Variants in POU2F1 observed in about 807,000 individuals in gnomAD.
The protein encoded by POU2F1 is POU class 2 homeobox 1, also known as POU domain, class 2, transcription factor 1.
A neutral mutation model predicts 84.9 loss-of-function variants in POU2F1; 16 were observed. The ratio of observed to expected loss-of-function variants is 0.19; its 90% CI spans 0.13 to 0.29. The LOEUF is 0.29. POU2F1 is among the 10% of genes least tolerant of loss of function. The probability of loss-of-function intolerance (pLI) is 1.00; values close to 1 mark genes in which losing one functional copy is unlikely to be tolerated. For missense variants in POU2F1, 738 were observed against 942.6 expected, an observed-to-expected ratio of 0.78 and a Z score of 2.84; for synonymous variants, 368 against 368.3, an observed-to-expected ratio of 1.00 and a Z score of 0.01.
intron 2 of POU2F1, among the ~76,000 whole-genome samples, chr1:167,350,708 T>G (rs1658498571): frequency 1.3e-5 from 2 of 150,270 alleles, no homozygotes; most frequent in Admixed American, 1.3e-4. Context: ...AAATGTATTA[T>G]CTGTGTTAGG....
intron 1 of POU2F1, among the ~76,000 whole-genome samples, chr1:167,289,458 A>G (rs1653760212): frequency 6.6e-6 from 1 of 152,208 alleles, no homozygotes; most frequent in Non-Finnish European, 1.5e-5. Context: ...GTGACTTCAA[A>G]GGGTCTCTCT....
At chr1:167,260,841 C>G (rs1469740178) in intron 1 of POU2F1, among the ~76,000 whole-genome samples, 1 of 152,110 alleles carries the variant, frequency 6.6e-6, no homozygotes, top group Non-Finnish European at 1.5e-5. Context: ...GGGTTGCTCA[C>G]TATATGCTAG....
intron 7 of POU2F1, chr1:167,383,610 C>T (rs1647729951): frequency 1.0e-5 from 3 of 291,388 alleles, no homozygotes; most frequent in Non-Finnish European, 1.3e-5. Context: ...AAGGATTGAC[C>T]TATCACAGAG....
intron 2 of POU2F1, among the ~76,000 whole-genome samples, chr1:167,349,916 A>G (rs1557915392): frequency 6.6e-6 from 1 of 152,244 alleles, no homozygotes; most frequent in Non-Finnish European, 1.5e-5. Context: ...TATAAAGGTA[A>G]AACTGTTCAT....
At chr1:167,272,289 G>A (rs1001963846) in intron 1 of POU2F1, among the ~76,000 whole-genome samples, 14 of 142,366 alleles carry the variant, frequency 9.8e-5, no homozygotes, top group Middle Eastern at 3.8e-3. Flanking sequence ...TGTCAAAATA[G>A]TAAATATTAC....
At chr1:167,326,483 A>G (rs958532299) in intron 1 of POU2F1, among the ~76,000 whole-genome samples, 12 of 152,190 alleles carry the variant, frequency 7.9e-5, no homozygotes, top group African/African-American at 2.7e-4. Context: ...CTCCCAATCC[A>G]TCTGTAGAGG....
chr1:167,383,934 A>G lies in POU2F1; in HGVS notation c.796A>G (p.Ile266Val), dbSNP rs368563634. ...QANLLQSQPS[I>V]TLTSQPATPT... is the part of the protein sequence containing the mutation. ...CAACCTCCTACAGTCGCAGCCAAGC[A>G]TCACCCTCACCTCCCAGGTCAGTTT... The change falls in exon 8 of 16, where the codon ATC becomes GTC. Residue 266 changes from isoleucine (I) to valine (V), a missense_variant. By Grantham distance (29) the Ile-to-Val change is conservative. Around this residue, in one of 4 missense-constraint regions of POU2F1, gnomAD observed 163 missense variants for 214.4 expected, o/e 0.76. Transcript: ENST00000367866. 1.9e-6 allele frequency: 3 copies of G among 1,613,518 alleles called. No individual in the cohort carries two copies. Among genetic ancestry groups the G allele is most frequent in the South Asian group, 1.1e-5 (1 of 91,058 alleles).
intron 2 of POU2F1, among the ~76,000 whole-genome samples, chr1:167,353,966 T>G (rs1658765931): frequency 6.6e-6 from 1 of 152,256 alleles, no homozygotes; most frequent in South Asian, 2.1e-4. Context: ...TACATATTTA[T>G]CCTCAAATAA....
At chr1:167,249,466 G>C (rs1650568493) in intron 1 of POU2F1, among the ~76,000 whole-genome samples, 1 of 152,184 alleles carries the variant, frequency 6.6e-6, no homozygotes, top group South Asian at 2.1e-4. Flanking sequence ...GTAGAAGTAG[G>C]AGTGGAGATG....
At chr1:167,398,240 T>G (rs1180381853) in intron 11 of POU2F1, 107 bp downstream of exon 11, 1 of 1,306,824 alleles carries the variant, frequency 7.7e-7, no homozygotes, top group Non-Finnish European at 1.1e-6. Context: ...CAGCCTCTGC[T>G]CTTATGGATG....
At chr1:167,322,544 G>C (rs1656393363) in intron 1 of POU2F1, among the ~76,000 whole-genome samples, 1 of 152,242 alleles carries the variant, frequency 6.6e-6, no homozygotes, top group African/African-American at 2.4e-5. Flanking sequence ...GCTGTGGCGG[G>C]GGACAGGCAT....
intron 2 of POU2F1, among the ~76,000 whole-genome samples, chr1:167,351,031 T>A (rs562083283): frequency 6.6e-6 from 1 of 152,052 alleles, no homozygotes; most frequent in East Asian, 1.9e-4. Context: ...TTTTAATTTC[T>A]GGGCTCAAAA....
intron 1 of POU2F1, among the ~76,000 whole-genome samples, chr1:167,233,719 A>T (rs1649244471): frequency 1.3e-5 from 2 of 152,254 alleles, no homozygotes. Context: ...AAAGTTCAGC[A>T]TAGCTGGTTC....
At chr1:167,298,309 C>T (rs990991991) in intron 1 of POU2F1, among the ~76,000 whole-genome samples, 3 of 152,020 alleles carry the variant, frequency 2.0e-5, no homozygotes, top group East Asian at 1.9e-4. Context: ...GCTGGAAACA[C>T]ATTAAAGTTA....
rs573751870 is a variant in POU2F1 at position 167,251,052 on chromosome 1, G to T, written c.61+30094G>T. On this transcript the variant is annotated intron_variant, in intron 1 of 15. Coordinates refer to ENST00000367866, the MANE Select transcript of POU2F1 (RefSeq NM_002697.4). ...TAACAGTGAAATTTTCTTTTTGTGA[G>T]GTGTATTATAAGAACATCTCATATG... Among the ~76,000 whole-genome samples, 4 of 152,230 alleles carry T rather than the reference G, an allele frequency of 2.6e-5. No individual in the cohort carries two copies. The South Asian group carries it at 8.3e-4, about 32-fold the overall frequency.
At chr1:167,244,184 T>A (rs369473895) in intron 1 of POU2F1, among the ~76,000 whole-genome samples, 1 of 152,164 alleles carries the variant, frequency 6.6e-6, no homozygotes. Flanking sequence ...GATTAGAAGA[T>A]AGCATGTAAA....
At chr1:167,263,292 A>G (rs144336422) in intron 1 of POU2F1, among the ~76,000 whole-genome samples, 3,767 of 152,196 alleles carry the variant, frequency 0.025, 149 homozygotes, top group African/African-American at 0.084. Context: ...GGCCGAGGCG[A>G]GTGGATCACC....
At position 167,426,290 on chromosome 1, in the gene POU2F1, G is replaced by T. The variant is rs1254666882; in HGVS notation, c.*10480G>T. ...TTTGTTTCAGTGTAATGCTCTTAAA[G>T]TCATAGCATGAAAATAATTGAACTG... On this transcript the variant is annotated 3_prime_UTR_variant, in exon 16 of 16. Transcript: ENST00000367866. 3 of 152,208 alleles carry T rather than the reference G, an allele frequency of 2.0e-5. No individual in the cohort carries two copies. The highest frequency in any genetic ancestry group is 4.4e-5 in the Non-Finnish European group (3 of 68,010). 9.4% of individuals were successfully genotyped at this position (152,208 alleles called of 1,614,324 possible). A position where few individuals can be genotyped will look rare whatever the true frequency, so the allele number is the denominator to read the frequency against.
chr1:167,328,582 T>A (rs1381562374), intron 1 of POU2F1, among the ~76,000 whole-genome samples: 1 of 152,192 alleles, frequency 6.6e-6, no homozygotes, highest in South Asian at 2.1e-4. Flanking sequence ...GGGTTGTTTC[T>A]AATTTGTACG....
Sources: gnomAD v4.1 joint callset for allele counts (sites outside exome capture counted in the v4.1 genomes callset) on GRCh38, gnomAD v4.1.1 for gene constraint, gnomAD v4.1.1 regional missense constraint, MANE v1.5 for transcripts, NCBI Gene and HGNC (gene_info 2026-07-23, HGNC 2026-07-21) for gene names.